Variants in CCDC92 observed in about 807,000 individuals in gnomAD.
CCDC92 encodes the protein coiled-coil domain-containing protein 92.
CCDC92 carries 12 observed loss-of-function variants against 24.9 expected under a neutral mutation model. The observed-to-expected ratio is 0.48, with a 90% CI of 0.31 to 0.78. The LOEUF (loss-of-function observed/expected upper bound fraction) is 0.78. Ranked by LOEUF, CCDC92 falls within the 30% of genes least tolerant of loss-of-function variation. The probability of loss-of-function intolerance (pLI) is 0.05; values close to 1 mark genes in which losing one functional copy is unlikely to be tolerated. For synonymous variants in CCDC92, 193 were observed against 196.3 expected, an observed-to-expected ratio of 0.98 and a Z score of 0.14; for missense variants, 399 against 439.4, an observed-to-expected ratio of 0.91 and a Z score of 0.82.
chr12:123,963,180 G>C (rs1404028401), intron 1 of CCDC92, among the ~76,000 whole-genome samples: 1 of 152,234 alleles, frequency 6.6e-6, no homozygotes, highest in South Asian at 2.1e-4. Context: ...CAAAGGTCAA[G>C]AGAGTTTTGG....
intron 1 of CCDC92, among the ~76,000 whole-genome samples, chr12:123,967,721 T>C (rs368984895): frequency 6.6e-6 from 1 of 152,266 alleles, no homozygotes; most frequent in East Asian, 1.9e-4. Flanking sequence ...CAGAGTATGA[T>C]GCCACGGATT....
intron 1 of CCDC92, among the ~76,000 whole-genome samples, chr12:123,965,311 CA>C (rs1185078010): frequency 6.6e-6 from 1 of 152,172 alleles, no homozygotes; most frequent in African/African-American, 2.4e-5. Flanking sequence ...CACAGAAAAG[CA>C]AATTGATCTT....
Position 123,943,530 on chromosome 12 carries a change from G to A in CCDC92, c.35-37C>T, listed in dbSNP as rs368895950. 220 of 1,612,202 alleles carry A rather than the reference G, an allele frequency of 1.4e-4. No individual in the cohort carries two copies. The Middle Eastern group carries it at 5.9e-3, about 43-fold the overall frequency. Reference sequence around the variant, plus strand: ...ACAGACCCTGGCTGCGGTGCCTGAAGAGGGTCCCAGGGCTGCCTGCCCTCC... The same window carrying A: ...ACAGACCCTGGCTGCGGTGCCTGAAAAGGGTCCCAGGGCTGCCTGCCCTCC... On this transcript the variant is annotated intron_variant, in intron 2 of 4. Coordinates refer to ENST00000238156, the MANE Select transcript of CCDC92 (RefSeq NM_025140.3).
At chr12:123,942,920 A>C (rs1256152060) in intron 3 of CCDC92, 135 bp from the exon 4 acceptor site, 1 of 744,738 alleles carries the variant, frequency 1.3e-6, no homozygotes, top group African/African-American at 1.7e-5. Flanking sequence ...GCAGCAGGAG[A>C]GGTGAGCATG....
intron 1 of CCDC92, 89 bp from the exon 2 acceptor site, chr12:123,944,453 A>G: frequency 1.4e-6 from 1 of 734,704 alleles, no homozygotes; most frequent in Middle Eastern, 2.5e-4. Context: ...GCTATTCCAG[A>G]GAACCCTCCG....
chr12:123,941,159 G>A lies in CCDC92; in HGVS notation c.223+1585C>T, dbSNP rs913807990. On this transcript the variant is annotated intron_variant, in intron 4 of 4. Coordinates refer to ENST00000238156, the MANE Select transcript of CCDC92 (RefSeq NM_025140.3). Reference sequence around the variant, plus strand: ...AGGACGCCCTGGCTTCCATGACACGGGTAGCTCCTTTCCCAAGGCTTCAGT... The same window carrying A: ...AGGACGCCCTGGCTTCCATGACACGAGTAGCTCCTTTCCCAAGGCTTCAGT... Among the ~76,000 whole-genome samples, 9 of 152,324 alleles carry A rather than the reference G, an allele frequency of 5.9e-5. No individual in the cohort carries two copies. In the East Asian group the frequency reaches 1.7e-3, roughly 29 times the overall value.
chr12:123,954,750 G>A (rs1049278555), intron 1 of CCDC92, among the ~76,000 whole-genome samples: 10 of 152,210 alleles, frequency 6.6e-5, no homozygotes, highest in African/African-American at 2.4e-4. Flanking sequence ...GCAAATACAT[G>A]TGCTCCTACC....
At chr12:123,957,424 G>A (rs956427159) in intron 1 of CCDC92, among the ~76,000 whole-genome samples, 3 of 152,172 alleles carry the variant, frequency 2.0e-5, no homozygotes, top group Admixed American at 1.3e-4. Flanking sequence ...GCAAGCAGCT[G>A]CTATGTGCAC....
chr12:123,953,898 G>A (rs1380342450), intron 1 of CCDC92, among the ~76,000 whole-genome samples: 4 of 152,222 alleles, frequency 2.6e-5, no homozygotes, highest in African/African-American at 7.2e-5. Context: ...GGAGGTTGCA[G>A]TGAGCCGAGA....
chr12:123,970,383 G>C (rs963110368), intron 1 of CCDC92: 2 of 152,180 alleles, frequency 1.3e-5, no homozygotes, highest in Non-Finnish European at 2.9e-5. Context: ...AACAACTTTT[G>C]CCTTCATATA....
chr12:123,968,209 T>C (rs1478919572), intron 1 of CCDC92: 1 of 152,182 alleles, frequency 6.6e-6, no homozygotes, highest in Non-Finnish European at 1.5e-5. Flanking sequence ...CACAGAAGAG[T>C]AGACACTTCT....
intron 1 of CCDC92, among the ~76,000 whole-genome samples, chr12:123,947,073 G>A (rs943089041): frequency 8.5e-5 from 13 of 152,292 alleles, no homozygotes; most frequent in East Asian, 7.7e-4. Flanking sequence ...CAGCCCTGCC[G>A]GCCCCGGGCA....
At chr12:123,948,159 C>T (rs7955815) in intron 1 of CCDC92, among the ~76,000 whole-genome samples, 45,764 of 151,966 alleles carry the variant, frequency 0.3, 7,039 homozygotes, top group Middle Eastern at 0.34. Flanking sequence ...TAAAACATCC[C>T]GAAATGAGAT....
At chr12:123,959,634 A>G (rs1331946277) in intron 1 of CCDC92, among the ~76,000 whole-genome samples, 1 of 152,146 alleles carries the variant, frequency 6.6e-6, no homozygotes, top group Admixed American at 6.5e-5. Flanking sequence ...ATGATCACTT[A>G]ATTCTTGAAA....
intron 1 of CCDC92, among the ~76,000 whole-genome samples, chr12:123,970,725 C>T (rs545567420): frequency 1.3e-5 from 2 of 152,118 alleles, no homozygotes; most frequent in Non-Finnish European, 2.9e-5. Flanking sequence ...AAATGTGTGC[C>T]CACTATGTAT....
At chr12:123,970,944 A>G (rs888619722) in intron 1 of CCDC92, among the ~76,000 whole-genome samples, 3 of 152,248 alleles carry the variant, frequency 2.0e-5, no homozygotes, top group Non-Finnish European at 4.4e-5. Context: ...GGATAAGTTG[A>G]GATCAATTTA....
In CCDC92 at chr12:123,936,556, A is replaced by G. The variant is rs1219918374; in HGVS notation, c.*502T>C. 6.0e-6 allele frequency: 1 copy of G among 167,328 alleles called. No individual in the cohort carries two copies. Among genetic ancestry groups the G allele is most frequent in the African/African-American group, 2.4e-5 (1 of 41,780 alleles). 10.4% of individuals were successfully genotyped at this position (167,328 alleles called of 1,614,324 possible). On this transcript the variant is annotated 3_prime_UTR_variant, in exon 5 of 5. Coordinates refer to ENST00000238156, the MANE Select transcript of CCDC92 (RefSeq NM_025140.3). ...GAGATACACGCACGGCTGCTCGGTG[A>G]TCGGTGCCGCCCTGGGAAAGGTTGG...
Position 123,937,072 on chromosome 12 carries a change from C to G in CCDC92, c.982G>C (p.Asp328His). The change falls in exon 5 of 5, where the codon GAC (aspartate) becomes CAC (histidine). Residue 328 changes from aspartate to histidine, a missense_variant. Asp to His is a moderately conservative substitution (Grantham distance 81, BLOSUM62 -1). Transcript: ENST00000238156. This position sits in a 1 kb window ranked among gnomAD's most constrained non-coding sequence, Gnocchi z 8.4. ...GKVVRKHSGTDRTV is the reference protein window; with the variant it reads ...GKVVRKHSGTHRTV ...CACGGCGGGCTTCACACAGTTCTGT[C>G]CGTCCCTGAGTGCTTCCTCACCACC... 1 of 1,613,934 alleles carries G rather than the reference C, an allele frequency of 6.2e-7. No homozygotes were observed. Among genetic ancestry groups the G allele is most frequent in the Non-Finnish European group, 8.5e-7 (1 of 1,180,006 alleles).
At chr12:123,970,555 G>C (rs1229664116) in intron 1 of CCDC92, among the ~76,000 whole-genome samples, 1 of 152,228 alleles carries the variant, frequency 6.6e-6, no homozygotes, top group Non-Finnish European at 1.5e-5. Flanking sequence ...TGTGGAAACT[G>C]GTGTCATTAA....
Sources: gnomAD v4.1 joint callset for allele counts (sites outside exome capture counted in the v4.1 genomes callset) on GRCh38, gnomAD v4.1.1 for gene constraint, Gnocchi (gnomAD v3.1) non-coding constraint, MANE v1.5 for transcripts, NCBI Gene and HGNC (gene_info 2026-07-23, HGNC 2026-07-21) for gene names.